WWOX: variants seen among roughly 807,000 people sequenced by gnomAD.
WWOX encodes the protein WW domain-containing oxidoreductase.
Under a neutral mutation model 46.2 loss-of-function variants are expected in WWOX, and 69 were observed. The ratio of observed to expected loss-of-function variants is 1.49; its 90% confidence interval spans 1.23 to 1.82. WWOX has a LOEUF of 1.82. WWOX is among the 40% of genes most tolerant of loss of function. The pLI, the probability that WWOX is intolerant of heterozygous loss-of-function variation, is 0.00. For synonymous variants in WWOX, 359 were observed against 202.6 expected, an observed-to-expected ratio of 1.77 and a Z score of -6.56; for missense variants, 919 against 542.6, an observed-to-expected ratio of 1.69 and a Z score of -6.89.
chr16:78,725,869 G>A (rs1484391677), intron 8 of WWOX, among the ~76,000 whole-genome samples: 6 of 152,004 alleles, frequency 3.9e-5, no homozygotes, highest in South Asian at 2.1e-4. Flanking sequence ...TGCCTTTGTC[G>A]CTGCATGTCA....
chr16:79,014,049 C>A (rs2047365165), intron 8 of WWOX, among the ~76,000 whole-genome samples: 1 of 152,186 alleles, frequency 6.6e-6, no homozygotes, highest in South Asian at 2.1e-4. Context: ...ACTGTCAATT[C>A]CTGAGAGCCG....
In WWOX at chr16:78,968,903, A is replaced by G. The variant is rs115546751; in HGVS notation, c.1057-242705A>G. Among the ~76,000 whole-genome samples, 312 of 140,840 alleles carry G rather than the reference A, an allele frequency of 2.2e-3. 1 individual carries two copies. The highest frequency in any genetic ancestry group is 7.8e-3 in the African/African-American group (304 of 38,928). 92.4% of individuals were successfully genotyped at this position (140,840 alleles called of 152,430 possible). A position where few individuals can be genotyped will look rare whatever the true frequency, so the allele number is the denominator to read the frequency against. On this transcript the variant is annotated intron_variant, in intron 8 of 8. Coordinates refer to ENST00000566780, the MANE Select transcript of WWOX (RefSeq NM_016373.4). ...TGTCACATAATACTTCTTCATGGAG[A>G]AGGCAGTTTCTTAAAGAAAAAAAAA...
intron 6 of WWOX, among the ~76,000 whole-genome samples, chr16:78,420,729 C>T (rs1316550800): frequency 1.3e-5 from 2 of 148,594 alleles, no homozygotes; most frequent in South Asian, 2.1e-4. Flanking sequence ...TTTGAGTATA[C>T]TAAAACAGCT....
intron 8 of WWOX, among the ~76,000 whole-genome samples, chr16:78,775,874 A>G (rs955039545): frequency 1.1e-4 from 17 of 152,308 alleles, no homozygotes; most frequent in African/African-American, 3.8e-4. Context: ...ATGTTGGTAA[A>G]CAGTATATCA....
At chr16:78,995,834 C>T (rs1328658732) in intron 8 of WWOX, among the ~76,000 whole-genome samples, 3 of 152,116 alleles carry the variant, frequency 2.0e-5, no homozygotes, top group African/African-American at 7.2e-5. Context: ...CCGAGGTGGC[C>T]TGAAGGAAGT....
At chr16:78,504,649 C>G (rs190685611) in intron 8 of WWOX, among the ~76,000 whole-genome samples, 7 of 152,084 alleles carry the variant, frequency 4.6e-5, no homozygotes, top group Non-Finnish European at 5.9e-5. Flanking sequence ...AAATATGACT[C>G]GGTTTATCCT....
intron 8 of WWOX, among the ~76,000 whole-genome samples, chr16:78,707,978 C>G (rs182175398): frequency 4.9e-4 from 75 of 152,268 alleles, no homozygotes; most frequent in African/African-American, 1.8e-3. Flanking sequence ...GTAAATAACA[C>G]TTGATCTTTG....
chr16:78,239,164 C>T (rs998461819), intron 5 of WWOX, among the ~76,000 whole-genome samples: 12 of 152,222 alleles, frequency 7.9e-5, no homozygotes, highest in African/African-American at 2.9e-4. Flanking sequence ...TTTGCCTCAG[C>T]CTCCCCATTC....
chr16:79,078,498 A>G (rs569432780), intron 8 of WWOX, among the ~76,000 whole-genome samples: 2 of 152,246 alleles, frequency 1.3e-5, no homozygotes, highest in South Asian at 4.1e-4. Context: ...TTCTCTCTGT[A>G]GGTGTCCTCT....
intron 8 of WWOX, among the ~76,000 whole-genome samples, chr16:79,173,588 C>T (rs1292655231): frequency 6.6e-6 from 1 of 151,754 alleles, no homozygotes; most frequent in African/African-American, 2.4e-5. Flanking sequence ...GTCAAAGCCA[C>T]TGGAAATAAC....
intron 8 of WWOX, among the ~76,000 whole-genome samples, chr16:79,144,874 G>C (rs930159530): frequency 4.6e-5 from 7 of 151,996 alleles, no homozygotes; most frequent in East Asian, 3.9e-4. Flanking sequence ...TATTATTGTT[G>C]CTCATCTCTT....
At chr16:78,552,439 A>C (rs2044196298) in intron 8 of WWOX, 1 of 152,222 alleles carries the variant, frequency 6.6e-6, no homozygotes, top group South Asian at 2.1e-4. Context: ...CAGTTTTGTA[A>C]TCCAGCTCCA....
chr16:79,064,590 A>C (rs1027468990), intron 8 of WWOX, among the ~76,000 whole-genome samples: 1 of 152,224 alleles, frequency 6.6e-6, no homozygotes, highest in Admixed American at 6.5e-5. Context: ...CACAGGAAAT[A>C]GTTTTCCTGG....
intron 8 of WWOX, among the ~76,000 whole-genome samples, chr16:78,853,898 A>G (rs1328907509): frequency 6.6e-6 from 1 of 152,192 alleles, no homozygotes; most frequent in South Asian, 2.1e-4. Context: ...AGATTCAGAC[A>G]TTGATGTAAT....
intron 5 of WWOX, among the ~76,000 whole-genome samples, chr16:78,171,635 C>A (rs1054359732): frequency 2.6e-5 from 4 of 152,088 alleles, no homozygotes; most frequent in African/African-American, 9.7e-5. Context: ...AAGATAAAAG[C>A]TATTAATATT....
rs1049045492 is a variant in WWOX, at chr16:79,026,324, C to T, written c.1057-185284C>T. ...CTTTGCACATCCTCTGCCGGGGAGG[C>T]TCTCCCTTCACCTTCATTAGGTTAT... On this transcript the variant is annotated intron_variant, in intron 8 of 8. Coordinates refer to ENST00000566780, the MANE Select transcript of WWOX (RefSeq NM_016373.4). 4.6e-5 allele frequency among the ~76,000 whole-genome samples: 7 copies of T among 151,660 alleles called. 1 individual carries two copies. Among genetic ancestry groups the T allele is most frequent in the African/African-American group, 1.7e-4 (7 of 40,986 alleles).
chr16:78,503,460 A>AT (rs548348144), intron 8 of WWOX, among the ~76,000 whole-genome samples: 7 of 146,828 alleles, frequency 4.8e-5, no homozygotes, highest in South Asian at 2.2e-4. Flanking sequence ...AAAAAAAAAA[A>AT]TTTTTTTTTG....
chr16:78,723,989 G>A (rs1784912327), intron 8 of WWOX, among the ~76,000 whole-genome samples: 3 of 152,134 alleles, frequency 2.0e-5, no homozygotes, highest in Non-Finnish European at 2.9e-5. Context: ...GGTACCCTCT[G>A]ATTCAGGCTC....
In WWOX at chr16:79,111,816, C is replaced by G. The variant is rs558429329; in HGVS notation, c.1057-99792C>G. ...TATAGACCACACCATCCCATGAGCC[C>G]AGATGTGTGTCCACTGGGCCTGGCA... is the stretch of plus-strand genomic sequence containing the variant. On this transcript the variant is annotated intron_variant, in intron 8 of 8. Transcript: ENST00000566780. 2.4e-4 allele frequency among the ~76,000 whole-genome samples: 36 copies of G among 152,238 alleles called. 1 individual carries two copies. The South Asian group carries it at 6.2e-3, about 26-fold the overall frequency.
Sources: gnomAD v4.1 joint callset for allele counts (sites outside exome capture counted in the v4.1 genomes callset) on GRCh38, gnomAD v4.1.1 for gene constraint, MANE v1.5 for transcripts, NCBI Gene and HGNC (gene_info 2026-07-23, HGNC 2026-07-21) for gene names.